Variants in CAMK1D observed in about 807,000 individuals in gnomAD.
CAMK1D encodes calcium/calmodulin dependent protein kinase ID.
A neutral mutation model predicts 47.7 loss-of-function variants in CAMK1D; 9 were observed. The observed-to-expected ratio is 0.19, with a 90% CI of 0.11 to 0.33. CAMK1D has a LOEUF of 0.33. Among genes scored for constraint, CAMK1D ranks in the 10% least tolerant of loss-of-function variants. CAMK1D has a pLI of 1.00. For missense variants in CAMK1D, 291 were observed against 488.7 expected (o/e 0.60, Z 3.81); for synonymous variants, 184 against 184.9 (o/e 0.99, Z 0.04).
chr10:12,788,479 C>T lies in CAMK1D; in HGVS notation c.566-2679C>T, dbSNP rs146732799. The stretch of plus-strand genomic sequence containing the variant: ...AACTTAGCTCTTCCCTCCCAACACA[C>T]GCTGTCAGCTCTGCGGGAGGGGAAG... On this transcript the variant is annotated intron_variant, in intron 5 of 10. Coordinates refer to ENST00000619168, the MANE Select transcript of CAMK1D (RefSeq NM_153498.4). 2.8e-3 allele frequency among the ~76,000 whole-genome samples: 430 copies of T among 152,360 alleles called. 1 individual carries two copies. Among genetic ancestry groups the T allele is most frequent in the African/African-American group, 8.6e-3 (356 of 41,586 alleles).
At chr10:12,815,546 C>A (rs534511176) in intron 7 of CAMK1D, among the ~76,000 whole-genome samples, 3 of 152,254 alleles carry the variant, frequency 2.0e-5, no homozygotes. Context: ...GCACAGCCTT[C>A]CCCCAGAAGC....
chr10:12,801,262 T>TCCATCCGTCCGTCC (rs879334771), intron 6 of CAMK1D, among the ~76,000 whole-genome samples: 1 of 146,276 alleles, frequency 6.8e-6, no homozygotes, highest in Admixed American at 6.7e-5. Context: ...TCCATCCATC[T>TCCATCCGTCCGTCC]GTCCGTCCAT....
At chr10:12,539,366 A>C (rs931551552) in intron 1 of CAMK1D, among the ~76,000 whole-genome samples, 1 of 152,208 alleles carries the variant, frequency 6.6e-6, no homozygotes, top group Non-Finnish European at 1.5e-5. Flanking sequence ...ATCTGCCCTG[A>C]ATGAGAATGG....
intron 1 of CAMK1D, among the ~76,000 whole-genome samples, chr10:12,515,754 C>G (rs966201505): frequency 6.6e-6 from 1 of 151,502 alleles, no homozygotes; most frequent in Non-Finnish European, 1.5e-5. Context: ...GGACTATAAG[C>G]GCCTGCCACA....
intron 2 of CAMK1D, among the ~76,000 whole-genome samples, chr10:12,600,783 T>G (rs947649785): frequency 6.6e-6 from 1 of 152,228 alleles, no homozygotes; most frequent in Non-Finnish European, 1.5e-5. Flanking sequence ...CTCCCATTCT[T>G]CTACCCTTCT....
At chr10:12,630,924 T>C (rs1839362570) in intron 2 of CAMK1D, among the ~76,000 whole-genome samples, 2 of 152,158 alleles carry the variant, frequency 1.3e-5, no homozygotes, top group Non-Finnish European at 2.9e-5. Context: ...CAGATTGCCT[T>C]ATGATCCTCA....
chr10:12,677,948 C>T (rs952129133), intron 3 of CAMK1D, among the ~76,000 whole-genome samples: 60 of 151,674 alleles, frequency 4.0e-4, no homozygotes, highest in African/African-American at 1.1e-3. Context: ...TCCGGACTAA[C>T]GATTGAATAT....
chr10:12,814,201 C>T lies in CAMK1D; in HGVS notation c.648C>T (p.Cys216=), dbSNP rs137946643. 1.9e-4 allele frequency: 311 copies of T among 1,610,006 alleles called. No individual in the cohort carries two copies. Among genetic ancestry groups the T allele is most frequent in the African/African-American group, 1.0e-3 (76 of 74,926 alleles). The change falls in exon 7 of 11, where the codon TGC becomes TGT. Residue 216 remains cysteine, a synonymous_variant. Coordinates refer to ENST00000619168, the MANE Select transcript of CAMK1D (RefSeq NM_153498.4). The part of the protein sequence containing the change: ...SIGVIAYILL[C]GYPPFYDEND... Reference sequence around the variant, plus strand: ...ACTCCATTTTGTCTCCTAGGCTCTGCGGCTACCCTCCTTTTTATGATGAAA... The same window carrying T: ...ACTCCATTTTGTCTCCTAGGCTCTGTGGCTACCCTCCTTTTTATGATGAAA...
chr10:12,598,428 A>G (rs1838206638), intron 2 of CAMK1D, among the ~76,000 whole-genome samples: 1 of 152,224 alleles, frequency 6.6e-6, no homozygotes, highest in Non-Finnish European at 1.5e-5. Context: ...TGTGCTCTCT[A>G]GAGTAGTTTA....
intron 1 of CAMK1D, among the ~76,000 whole-genome samples, chr10:12,382,566 TG>T (rs1160259690): frequency 6.6e-6 from 1 of 152,194 alleles, no homozygotes; most frequent in African/African-American, 2.4e-5. Context: ...GGCTCACACC[TG>T]TAATCTCAGC....
intron 2 of CAMK1D, among the ~76,000 whole-genome samples, chr10:12,644,841 T>C (rs1839770227): frequency 6.6e-6 from 1 of 152,216 alleles, no homozygotes; most frequent in Non-Finnish European, 1.5e-5. Context: ...CCTATAAAGC[T>C]ATGTTAAAAG....
At chr10:12,773,443 A>T (rs1026435804) in intron 5 of CAMK1D, among the ~76,000 whole-genome samples, 1 of 152,236 alleles carries the variant, frequency 6.6e-6, no homozygotes, top group Non-Finnish European at 1.5e-5. Flanking sequence ...GATTGCTTAC[A>T]ATACCTGATG....
intron 2 of CAMK1D, among the ~76,000 whole-genome samples, chr10:12,567,637 CA>C (rs1837165432): frequency 6.6e-6 from 1 of 152,148 alleles, no homozygotes; most frequent in Non-Finnish European, 1.5e-5. Context: ...GGTTTAGAGC[CA>C]AGTGATAATG....
At chr10:12,436,331 A>G (rs1304644509) in intron 1 of CAMK1D, among the ~76,000 whole-genome samples, 2 of 152,180 alleles carry the variant, frequency 1.3e-5, no homozygotes, top group African/African-American at 4.8e-5. Context: ...TCCTCTTCAC[A>G]TTCACTGGAA....
In CAMK1D at chr10:12,547,097, G is replaced by C. The variant is rs552271944; in HGVS notation, c.93-6128G>C. ...AAAGGTTGCAGATGAAACCTTGGGGGCCCATTGATGTTTGAAGGGAGGAAG... is the reference window on the plus strand; with the variant it reads ...AAAGGTTGCAGATGAAACCTTGGGGCCCCATTGATGTTTGAAGGGAGGAAG... On this transcript the variant is annotated intron_variant, in intron 1 of 10. Transcript: ENST00000619168. Among the ~76,000 whole-genome samples the C allele has an allele frequency of 7.2e-5, 11 of 152,290 alleles. No individual in the cohort carries two copies. The East Asian group carries it at 1.9e-3, about 27-fold the overall frequency.
chr10:12,594,817 C>T (rs147302212), intron 2 of CAMK1D, among the ~76,000 whole-genome samples: 63 of 152,242 alleles, frequency 4.1e-4, no homozygotes, highest in Middle Eastern at 3.4e-3. Flanking sequence ...CGGCCTCATG[C>T]GGTGTTCAAG....
chr10:12,682,068 A>C (rs112443505), intron 3 of CAMK1D, among the ~76,000 whole-genome samples: 8,161 of 152,168 alleles, frequency 0.054, 222 homozygotes, highest in South Asian at 0.064. Context: ...AAAATACAAA[A>C]CATTAGGCAG....
chr10:12,657,427 A>AAAAT (rs10524598), intron 2 of CAMK1D, among the ~76,000 whole-genome samples: 8,261 of 146,774 alleles, frequency 0.056, 270 homozygotes, highest in South Asian at 0.069. Flanking sequence ...CTGTCTCATA[A>AAAAT]AAATAAATAA....
At chr10:12,636,228 G>A (rs1277850609) in intron 2 of CAMK1D, among the ~76,000 whole-genome samples, 1 of 152,144 alleles carries the variant, frequency 6.6e-6, no homozygotes, top group Non-Finnish European at 1.5e-5. Flanking sequence ...TTTAGTTAAG[G>A]CAATATACCA....
Sources: allele counts gnomAD v4.1 joint callset (sites outside exome capture counted in the v4.1 genomes callset), GRCh38; gene constraint gnomAD v4.1.1; transcripts MANE v1.5; gene names NCBI Gene and HGNC (gene_info 2026-07-23, HGNC 2026-07-21).